Variants in TGFBR3 observed in about 807,000 individuals in gnomAD.
TGFBR3 encodes transforming growth factor beta receptor type 3.
A neutral mutation model predicts 87.9 loss-of-function variants in TGFBR3; 46 were observed. The observed-to-expected ratio is 0.52, with a 90% confidence interval of 0.41 to 0.67. TGFBR3 has a LOEUF of 0.67. Ranked by LOEUF, TGFBR3 falls within the 30% of genes least tolerant of loss-of-function variation. The pLI is 0.00. For missense variants in TGFBR3, 866 were observed against 1,041.9 expected, an observed-to-expected ratio of 0.83 and a Z score of 2.32; for synonymous variants, 381 against 391.6, an observed-to-expected ratio of 0.97 and a Z score of 0.32.
At chr1:91,737,296 C>G (rs1304789246) in intron 4 of TGFBR3, among the ~76,000 whole-genome samples, 1 of 152,206 alleles carries the variant, frequency 6.6e-6, no homozygotes, top group Non-Finnish European at 1.5e-5. Context: ...CTCCTGACTG[C>G]CAGCTCTCCT....
chr1:91,885,372 C>T (rs1350635772), intron 1 of TGFBR3, among the ~76,000 whole-genome samples: 1 of 136,800 alleles, frequency 7.3e-6, no homozygotes, highest in Non-Finnish European at 1.6e-5. Context: ...CGGGGGGGGG[C>T]CGAGCTGCAG....
At chr1:91,700,037 T>C (rs1166895613) in intron 14 of TGFBR3, among the ~76,000 whole-genome samples, 2 of 152,230 alleles carry the variant, frequency 1.3e-5, no homozygotes, top group African/African-American at 4.8e-5. Context: ...ATTGACTCCA[T>C]AAATGAAGTT....
intron 1 of TGFBR3, among the ~76,000 whole-genome samples, chr1:91,875,774 G>GCTA (rs1313889605): frequency 1.9e-5 from 1 of 51,384 alleles, no homozygotes; most frequent in Non-Finnish European, 4.2e-5. Flanking sequence ...TGTAATCCCA[G>GCTA]CTACTCGGGC....
At chr1:91,898,798 C>T (rs576352522) in intron 2 of TGFBR3, among the ~76,000 whole-genome samples, 1 of 152,220 alleles carries the variant, frequency 6.6e-6, no homozygotes, top group Admixed American at 6.5e-5. Context: ...ATATTACAGC[C>T]GGGCATCGTG....
At chr1:91,848,601 A>T (rs538704299) in intron 2 of TGFBR3, among the ~76,000 whole-genome samples, 3 of 152,346 alleles carry the variant, frequency 2.0e-5, no homozygotes, top group African/African-American at 7.2e-5. Flanking sequence ...CTCACATTTA[A>T]TATGTAGTTT....
At chr1:91,790,661 G>A (rs998869646) in intron 3 of TGFBR3, among the ~76,000 whole-genome samples, 4 of 152,162 alleles carry the variant, frequency 2.6e-5, no homozygotes, top group Admixed American at 1.3e-4. Context: ...TTTGACACTT[G>A]CTTAGTACAT....
intron 4 of TGFBR3, among the ~76,000 whole-genome samples, chr1:91,754,067 C>G (rs1212285285): frequency 1.3e-5 from 2 of 152,162 alleles, no homozygotes; most frequent in African/African-American, 4.8e-5. Flanking sequence ...GAAGTGGCAT[C>G]TCACTGTGGT....
intron 2 of TGFBR3, among the ~76,000 whole-genome samples, chr1:91,809,075 T>C (rs1469316935): frequency 6.6e-6 from 1 of 152,190 alleles, no homozygotes; most frequent in Non-Finnish European, 1.5e-5. Flanking sequence ...AACTGAACTT[T>C]ATCCCATAAA....
At chr1:91,748,396 C>T (rs759029179) in intron 4 of TGFBR3, among the ~76,000 whole-genome samples, 8 of 152,186 alleles carry the variant, frequency 5.3e-5, no homozygotes, top group East Asian at 1.9e-4. Context: ...GATCCAGAAA[C>T]GCTCCAACTG....
At chr1:91,818,278 CTTTTTTTTTTTTTTTTT>C (rs760050197) in intron 2 of TGFBR3, among the ~76,000 whole-genome samples, 16 of 32,456 alleles carry the variant, frequency 4.9e-4, no homozygotes, top group African/African-American at 1.6e-3. Flanking sequence ...TAGCCCCAGC[CTTTTTTTTTTTTTTTTT>C]TTTTTTTTTT....
intron 2 of TGFBR3, among the ~76,000 whole-genome samples, chr1:91,798,331 C>T (rs1675467613): frequency 6.6e-6 from 1 of 152,188 alleles, no homozygotes; most frequent in Non-Finnish European, 1.5e-5. Context: ...GTTCCTGTCC[C>T]TTCAGAATAG....
chr1:91,752,084 T>C (rs1673561916), intron 4 of TGFBR3, among the ~76,000 whole-genome samples: 1 of 152,168 alleles, frequency 6.6e-6, no homozygotes, highest in African/African-American at 2.4e-5. Flanking sequence ...GAGCCAAGAC[T>C]AGTACTCAGG....
intron 2 of TGFBR3, among the ~76,000 whole-genome samples, chr1:91,822,293 TAAAAAAAAA>T (rs71087974): frequency 5.4e-5 from 5 of 93,324 alleles, no homozygotes; most frequent in African/African-American, 1.6e-4. Context: ...AGCAAAGCAT[TAAAAAAAAA>T]AAAAAAAAAA....
At chr1:91,834,619 T>C (rs911269473) in intron 2 of TGFBR3, among the ~76,000 whole-genome samples, 2 of 152,208 alleles carry the variant, frequency 1.3e-5, no homozygotes, top group Non-Finnish European at 2.9e-5. Flanking sequence ...TTCATGGAGC[T>C]TCCATTCTAT....
intron 15 of TGFBR3, among the ~76,000 whole-genome samples, chr1:91,697,829 C>T (rs1671483690): frequency 6.6e-6 from 1 of 152,152 alleles, no homozygotes; most frequent in South Asian, 2.1e-4. Flanking sequence ...ACTACCTTCC[C>T]ATTCAAGCCA....
chr1:91,729,378 A>G (rs1672681117), intron 6 of TGFBR3, among the ~76,000 whole-genome samples: 1 of 152,162 alleles, frequency 6.6e-6, no homozygotes, highest in South Asian at 2.1e-4. Flanking sequence ...GAGCTTTATT[A>G]AAAACAGAAG....
upstream of TGFBR3, among the ~76,000 whole-genome samples, chr1:91,886,885 C>G (rs546235881): frequency 1.4e-4 from 21 of 152,290 alleles, no homozygotes; most frequent in African/African-American, 4.6e-4. Flanking sequence ...GAACGACAGT[C>G]TCGGCGGGGC....
At chr1:91,693,156 T>C (rs543057763) in intron 16 of TGFBR3, among the ~76,000 whole-genome samples, 1 of 152,322 alleles carries the variant, frequency 6.6e-6, no homozygotes, top group South Asian at 2.1e-4. Flanking sequence ...TGAGTCTTCT[T>C]CATGCTTGTA....
intron 15 of TGFBR3, among the ~76,000 whole-genome samples, chr1:91,696,216 C>T (rs1417148490): frequency 6.6e-6 from 1 of 152,210 alleles, no homozygotes; most frequent in East Asian, 1.9e-4. Flanking sequence ...AAATGACACA[C>T]TGCACAGAAA....
Sources: gnomAD v4.1 joint callset for allele counts (sites outside exome capture counted in the v4.1 genomes callset) on GRCh38, gnomAD v4.1.1 for gene constraint, MANE v1.5 for transcripts, NCBI Gene and HGNC (gene_info 2026-07-23, HGNC 2026-07-21) for gene names.